Variants in FCGRT observed in about 807,000 individuals in gnomAD.
FCGRT encodes Fc gamma receptor and transporter.
A neutral mutation model predicts 35.7 loss-of-function variants in FCGRT; 13 were observed. The ratio of observed to expected loss-of-function variants is 0.36; its 90% CI spans 0.24 to 0.58. The LOEUF is 0.58. Among genes scored for constraint, FCGRT ranks in the 20% least tolerant of loss-of-function variants. FCGRT has a pLI of 0.77. For missense variants in FCGRT, 455 were observed against 474.9 expected, an observed-to-expected ratio of 0.96 and a Z score of 0.39; for synonymous variants, 233 against 216.5, an observed-to-expected ratio of 1.08 and a Z score of -0.67.
At chr19:49,518,787 G>T (rs376015929) in intron 4 of FCGRT, among the ~76,000 whole-genome samples, 1 of 151,704 alleles carries the variant, frequency 6.6e-6, no homozygotes, top group Non-Finnish European at 1.5e-5. Flanking sequence ...CACCCACCTC[G>T]GCCTCCCAAA....
intron 4 of FCGRT, among the ~76,000 whole-genome samples, chr19:49,523,692 CT>C (rs1420841574): frequency 6.6e-6 from 1 of 151,928 alleles, no homozygotes; most frequent in Middle Eastern, 3.2e-3. Context: ...AACCCCGTCT[CT>C]ACTAAAAATA....
At chr19:49,522,984 A>G (rs374351165) in intron 4 of FCGRT, among the ~76,000 whole-genome samples, 1 of 150,162 alleles carries the variant, frequency 6.7e-6, no homozygotes, top group East Asian at 2.0e-4. Context: ...TCACCGTGTT[A>G]GCCGGGATAG....
intron 4 of FCGRT, among the ~76,000 whole-genome samples, chr19:49,523,442 C>T (rs998333512): frequency 6.6e-6 from 1 of 152,012 alleles, no homozygotes; most frequent in Non-Finnish European, 1.5e-5. Context: ...GGTGCATGCA[C>T]CTGTAGTCCC....
chr19:49,515,559 G>A (rs748398633), intron 4 of FCGRT, among the ~76,000 whole-genome samples: 1 of 152,068 alleles, frequency 6.6e-6, no homozygotes, highest in South Asian at 2.1e-4. Flanking sequence ...GGGATTACAG[G>A]AGTGAGCTAC....
chr19:49,520,130 C>CTTGTT (rs2080032257), intron 4 of FCGRT, among the ~76,000 whole-genome samples: 1 of 99,512 alleles, frequency 1.0e-5, no homozygotes, highest in Non-Finnish European at 2.0e-5. Flanking sequence ...CGCGCCCGGG[C>CTTGTT]TTTTTTTTTT....
At chr19:49,517,531 A>G (rs1270548855) in intron 4 of FCGRT, among the ~76,000 whole-genome samples, 1 of 148,714 alleles carries the variant, frequency 6.7e-6, no homozygotes, top group Non-Finnish European at 1.5e-5. Flanking sequence ...GGGAGAGAGA[A>G]AGAGGAAGGA....
intron 4 of FCGRT, among the ~76,000 whole-genome samples, chr19:49,519,865 C>A (rs1473686617): frequency 3.0e-5 from 4 of 131,838 alleles, no homozygotes; most frequent in African/African-American, 1.2e-4. Context: ...GAGTCTTGCT[C>A]TGTCGCCCAG....
chr19:49,525,515 C>CA lies in FCGRT; in HGVS notation c.931dup (p.Thr311AsnfsTer44), dbSNP rs1340005562. 6.2e-7 allele frequency: 1 copy of CA among 1,613,892 alleles called. No individual in the cohort carries two copies. The highest frequency in any genetic ancestry group is 8.5e-7 in the Non-Finnish European group (1 of 1,179,998). ...GAATCGTCATCGGTGTCTTGCTACT[C>CA]ACGGCAGCGGCTGTAGGAGGAGCTC... On this transcript the variant is annotated frameshift_variant, in exon 6 of 7. Coordinates refer to ENST00000221466, the MANE Select transcript of FCGRT (RefSeq NM_001136019.3).
chr19:49,515,856 C>G (rs1245323316), intron 4 of FCGRT, among the ~76,000 whole-genome samples: 1 of 152,186 alleles, frequency 6.6e-6, no homozygotes, highest in Non-Finnish European at 1.5e-5. Flanking sequence ...CCAGTTTCCC[C>G]TGGCACCTCT....
rs761135751 is a variant in FCGRT, at chr19:49,524,468, G to A, written c.602-39G>A. 6.9e-6 allele frequency: 11 copies of A among 1,582,992 alleles called. No individual in the cohort carries two copies. The East Asian group carries it at 2.0e-4, about 29-fold the overall frequency. ...ATCCAGCCCTGGCTCTGGGAGTGGT[G>A]GGCTCGCGACTTAGGCCTGTCTGCC... On this transcript the variant is annotated intron_variant, in intron 4 of 6. Transcript: ENST00000221466.
At chr19:49,518,685 C>A (rs944463909) in intron 4 of FCGRT, among the ~76,000 whole-genome samples, 6 of 152,170 alleles carry the variant, frequency 3.9e-5, no homozygotes, top group Non-Finnish European at 8.8e-5. Flanking sequence ...AGGCGCAAGC[C>A]ACCACGCCCT....
intron 4 of FCGRT, among the ~76,000 whole-genome samples, chr19:49,523,076 C>T (rs978089085): frequency 1.3e-5 from 2 of 152,004 alleles, no homozygotes; most frequent in Non-Finnish European, 2.9e-5. Flanking sequence ...CGCGCCTGGC[C>T]AAGTTCTCTT....
In FCGRT at chr19:49,513,451, C is replaced by G; in HGVS notation, c.51C>G (p.Leu17=). Residue 17 remains leucine, a synonymous_variant, in exon 2 of 7, where the codon CTC becomes CTG. Coordinates refer to ENST00000221466, the MANE Select transcript of FCGRT (RefSeq NM_001136019.3). ...QPWALGLLLF[L]LPGSLGAESH... ...GGGCGCTGGGGCTCCTGCTCTTTCT[C>G]CTTCCTGGGAGCCTGGGCGCAGGTG... The G allele has an allele frequency of 8.0e-7, 1 of 1,243,850 alleles. No homozygotes were observed. Among genetic ancestry groups the G allele is most frequent in the Non-Finnish European group, 1.0e-6 (1 of 987,654 alleles). The allele number at this position is 1,243,850 out of a possible 1,614,324, so 77.1% of individuals were successfully genotyped here. A position where few individuals can be genotyped will look rare whatever the true frequency, so the allele number is the denominator to read the frequency against.
chr19:49,525,751 C>G (rs1440433487), intron 6 of FCGRT, among the ~76,000 whole-genome samples, 178 bp downstream of exon 6: 2 of 149,828 alleles, frequency 1.3e-5, no homozygotes, highest in African/African-American at 4.9e-5. Flanking sequence ...AGACAGAGAC[C>G]CAGAGACGGG....
chr19:49,524,773 C>T lies in FCGRT; in HGVS notation c.868C>T (p.Leu290=), dbSNP rs1457421182. The part of the protein sequence containing the change: ...AGLAQPLRVE[L]ESPAKSSVLV... ...GCTGGCGCAGCCCCTCAGGGTGGAG[C>T]TGGGTGAGGTCCCGCCAGGTGGTGA... The change falls in exon 5 of 7, where the codon CTG becomes TTG. Residue 290 remains leucine (L), a synonymous_variant. Transcript: ENST00000221466. 1.3e-6 allele frequency: 2 copies of T among 1,599,592 alleles called. No homozygotes were observed. The highest frequency in any genetic ancestry group is 8.5e-7 in the Non-Finnish European group (1 of 1,179,452).
At chr19:49,519,218 CTG>C (rs1372995792) in intron 4 of FCGRT, among the ~76,000 whole-genome samples, 2 of 152,018 alleles carry the variant, frequency 1.3e-5, no homozygotes, top group African/African-American at 2.4e-5. Flanking sequence ...ATTGTTTTAA[CTG>C]TGCCTTTCAC....
At chr19:49,522,987 C>T (rs1007034644) in intron 4 of FCGRT, among the ~76,000 whole-genome samples, 4 of 151,616 alleles carry the variant, frequency 2.6e-5, no homozygotes, top group Non-Finnish European at 5.9e-5. Context: ...CCGTGTTAGC[C>T]GGGATAGTCT....
rs73582439 is a variant in FCGRT, at chr19:49,519,157, A to G, written c.601+4671A>G. On this transcript the variant is annotated intron_variant, in intron 4 of 6. Coordinates refer to ENST00000221466, the MANE Select transcript of FCGRT (RefSeq NM_001136019.3). Reference sequence around the variant, plus strand: ...GCGCCCGGCCGGATTCCAATTTTTTACCAGATAGGTGTTTTGCAAATATTT... The same window carrying G: ...GCGCCCGGCCGGATTCCAATTTTTTGCCAGATAGGTGTTTTGCAAATATTT... Among the ~76,000 whole-genome samples the G allele has an allele frequency of 3.1e-3, 476 of 152,096 alleles. 3 individuals carry two copies. Among genetic ancestry groups the G allele is most frequent in the African/African-American group, 0.011 (456 of 41,512 alleles).
Position 49,514,419 on chromosome 19 carries a change from G to T in FCGRT, c.534G>T (p.Leu178=). ...DKAANKELTF[L]LFSCPHRLRE... ...CGGCCAACAAGGAGCTCACCTTCCT[G>T]CTATTCTCCTGCCCGCACCGCCTGC... Residue 178 remains leucine, a synonymous_variant, in exon 4 of 7, where the codon CTG becomes CTT. Coordinates refer to ENST00000221466, the MANE Select transcript of FCGRT (RefSeq NM_001136019.3). The T allele has an allele frequency of 1.9e-6, 3 of 1,599,330 alleles. No individual in the cohort carries two copies. Among genetic ancestry groups the T allele is most frequent in the Non-Finnish European group, 2.6e-6 (3 of 1,169,890 alleles).
Sources: gnomAD v4.1 joint callset for allele counts (sites outside exome capture counted in the v4.1 genomes callset) on GRCh38, gnomAD v4.1.1 for gene constraint, MANE v1.5 for transcripts, NCBI Gene and HGNC (gene_info 2026-07-23, HGNC 2026-07-21) for gene names.